The following ACER1 variants were observed in gnomAD, a reference collection of about 807,000 sequenced individuals.
ACER1 encodes alkaline ceramidase 1, also known as CTB-180A7.3.
A neutral mutation model predicts 24.9 loss-of-function variants in ACER1; 28 were observed. That is an observed-to-expected ratio of 1.13 (90% CI 0.83 to 1.54). The LOEUF (loss-of-function observed/expected upper bound fraction) is 1.54, where lower values mean the gene tolerates loss of function less well. ACER1 is among the 40% of genes most tolerant of loss of function. ACER1 has a pLI of 0.00. For missense variants in ACER1, 352 were observed against 349.3 expected, an observed-to-expected ratio of 1.01 and a Z score of -0.06; for synonymous variants, 132 against 131.4, an observed-to-expected ratio of 1.00 and a Z score of -0.03.
the ACER1 span, among the ~76,000 whole-genome samples, chr19:6,339,268 A>G: frequency 6.6e-6 from 1 of 152,204 alleles, no homozygotes; most frequent in South Asian, 2.1e-4. Flanking sequence ...CATACCGTGG[A>G]ATATTATTCA....
At chr19:6,332,431 C>T (rs961489765) in intron 1 of ACER1, among the ~76,000 whole-genome samples, 1 of 151,798 alleles carries the variant, frequency 6.6e-6, no homozygotes, top group African/African-American at 2.4e-5. Flanking sequence ...CCACCACACC[C>T]AGCTAATTTT....
chr19:6,340,876 T>G, the ACER1 span, among the ~76,000 whole-genome samples: 1 of 152,098 alleles, frequency 6.6e-6, no homozygotes, highest in African/African-American at 2.4e-5. Context: ...TTGTAACAAA[T>G]GCCACCAATG....
chr19:6,354,000 G>A, the ACER1 span, among the ~76,000 whole-genome samples: 1 of 151,290 alleles, frequency 6.6e-6, no homozygotes, highest in Non-Finnish European at 1.5e-5. Context: ...TGGCCAACAC[G>A]GTGGAACCCC....
At chr19:6,312,866 A>G in intron 1 of ACER1, among the ~76,000 whole-genome samples, 1 of 151,894 alleles carries the variant, frequency 6.6e-6, no homozygotes, top group East Asian at 1.9e-4. Flanking sequence ...TGGTAGAGAC[A>G]GGGTTTCACC....
chr19:6,336,621 C>T (rs539687583), upstream of ACER1, among the ~76,000 whole-genome samples: 1 of 151,814 alleles, frequency 6.6e-6, no homozygotes, highest in East Asian at 1.9e-4. Flanking sequence ...GAGATCAAGA[C>T]CATCCTGGTT....
intron 1 of ACER1, among the ~76,000 whole-genome samples, chr19:6,317,583 A>C (rs2091609819): frequency 6.6e-6 from 1 of 152,176 alleles, no homozygotes; most frequent in South Asian, 2.1e-4. Flanking sequence ...CGCGTGCCTG[A>C]AGATACTGAC....
At chr19:6,323,345 T>G (rs138839429) in intron 1 of ACER1, among the ~76,000 whole-genome samples, 2 of 145,824 alleles carry the variant, frequency 1.4e-5, no homozygotes, top group Admixed American at 7.0e-5. Flanking sequence ...GTGTGAACCC[T>G]AGGGGGCAGA....
intron 4 of ACER1, among the ~76,000 whole-genome samples, chr19:6,308,518 T>C (rs2091562611): frequency 6.6e-6 from 1 of 151,922 alleles, no homozygotes; most frequent in African/African-American, 2.4e-5. Flanking sequence ...GGGATTGCAC[T>C]ATGCCCCACC....
intron 3 of ACER1, among the ~76,000 whole-genome samples, chr19:6,310,363 C>A (rs1246874743): frequency 2.0e-5 from 3 of 151,894 alleles, no homozygotes; most frequent in Non-Finnish European, 2.9e-5. Flanking sequence ...CTAGGATTAC[C>A]GGCATGAGTC....
At chr19:6,324,198 C>A (rs2091647196) in intron 1 of ACER1, among the ~76,000 whole-genome samples, 1 of 151,866 alleles carries the variant, frequency 6.6e-6, no homozygotes, top group African/African-American at 2.4e-5. Flanking sequence ...GTGTGAGCCA[C>A]CACGCCTGGC....
chr19:6,351,581 G>A, the ACER1 span, among the ~76,000 whole-genome samples: 2 of 145,232 alleles, frequency 1.4e-5, no homozygotes, highest in African/African-American at 2.6e-5. Flanking sequence ...AAAAAAAAAA[G>A]AAATTAGCCA....
At chr19:6,314,781 T>C (rs1159753161) in intron 1 of ACER1, among the ~76,000 whole-genome samples, 2 of 152,200 alleles carry the variant, frequency 1.3e-5, no homozygotes, top group Admixed American at 1.3e-4. Context: ...CCTGCGTTCA[T>C]ATGTTTATTG....
chr19:6,306,632 A>G lies in ACER1; in HGVS notation c.*82T>C. The G allele has an allele frequency of 6.7e-7, 1 of 1,486,824 alleles. No homozygotes were observed. The highest frequency in any genetic ancestry group is 9.1e-7 in the Non-Finnish European group (1 of 1,097,588). The allele number at this position is 1,486,824 out of a possible 1,614,324, so 92.1% of individuals were successfully genotyped here. Reference sequence around the variant, plus strand: ...GAGGAAGGAACCACGAGTGTCCCGCAGGTGCAAGTCCTGACCGGGGCTATC... The same window carrying G: ...GAGGAAGGAACCACGAGTGTCCCGCGGGTGCAAGTCCTGACCGGGGCTATC... On this transcript the variant is annotated 3_prime_UTR_variant, in exon 6 of 6. Coordinates refer to ENST00000301452, the MANE Select transcript of ACER1 (RefSeq NM_133492.3).
chr19:6,312,199 A>G lies in ACER1; in HGVS notation c.300T>C (p.Tyr100=), dbSNP rs768544135. The change falls in exon 3 of 6, where the codon TAT becomes TAC. Residue 100 remains tyrosine, a synonymous_variant. Coordinates refer to ENST00000301452, the MANE Select transcript of ACER1 (RefSeq NM_133492.3). The part of the protein sequence containing the change: ...IAILWLLGSG[Y]SIWMPRCYFP... Reference sequence around the variant, plus strand: ...AATAGCAGCGGGGCATCCATATGCTATAGCCACTGCCCAGGAGCCACAGGA... The same window carrying G: ...AATAGCAGCGGGGCATCCATATGCTGTAGCCACTGCCCAGGAGCCACAGGA... The G allele has an allele frequency of 4.3e-6, 7 of 1,614,020 alleles. No homozygotes were observed. In the East Asian group the frequency reaches 1.1e-4, roughly 26 times the overall value.
At chr19:6,355,243 A>T in the ACER1 span, among the ~76,000 whole-genome samples, 1 of 150,844 alleles carries the variant, frequency 6.6e-6, no homozygotes, top group Non-Finnish European at 1.5e-5. Flanking sequence ...CCCGGCCGCC[A>T]CCCTGTCTGG....
intron 1 of ACER1, among the ~76,000 whole-genome samples, chr19:6,328,600 C>G (rs540111653): frequency 6.6e-6 from 1 of 151,358 alleles, no homozygotes; most frequent in Non-Finnish European, 1.5e-5. Context: ...AATCCTATCA[C>G]TTTGGGAAGT....
intron 1 of ACER1, among the ~76,000 whole-genome samples, chr19:6,323,192 A>G (rs10426237): frequency 0.89 from 134,377 of 151,606 alleles, 59,768 homozygotes; most frequent in Middle Eastern, 0.94. Context: ...AGGCCAAGGC[A>G]GGCAGATCAC....
chr19:6,323,650 T>C (rs867457228), intron 1 of ACER1, among the ~76,000 whole-genome samples: 1 of 152,198 alleles, frequency 6.6e-6, no homozygotes, highest in African/African-American at 2.4e-5. Flanking sequence ...GGTAAGTCTT[T>C]ATTAGCAGAG....
At chr19:6,312,667 CTTT>C (rs35762850) in intron 1 of ACER1, among the ~76,000 whole-genome samples, 168 bp from the exon 2 acceptor site, 9 of 132,372 alleles carry the variant, frequency 6.8e-5, no homozygotes, top group Non-Finnish European at 4.8e-5. Context: ...TCAGCCGACC[CTTT>C]TTTTTTTTTT....
Sources: allele counts gnomAD v4.1 joint callset (sites outside exome capture counted in the v4.1 genomes callset), GRCh38; gene constraint gnomAD v4.1.1; transcripts MANE v1.5; gene names NCBI Gene and HGNC (gene_info 2026-07-23, HGNC 2026-07-21).